The following CACNA2D2 variants were observed in gnomAD, a reference collection of about 807,000 sequenced individuals.
CACNA2D2 encodes the protein calcium voltage-gated channel auxiliary subunit alpha2delta 2.
CACNA2D2 carries 48 observed loss-of-function variants against 166.4 expected under a neutral mutation model. The observed-to-expected ratio is 0.29, with a 90% CI of 0.23 to 0.37. The LOEUF (loss-of-function observed/expected upper bound fraction) is 0.37. Ranked by LOEUF, CACNA2D2 falls within the 10% of genes least tolerant of loss-of-function variation. CACNA2D2 has a pLI of 1.00. For missense variants in CACNA2D2, 1,122 were observed against 1,433.0 expected (o/e 0.78, Z 3.50); for synonymous variants, 561 against 573.7 (o/e 0.98, Z 0.32).
chr3:50,491,055 G>T lies in CACNA2D2; in HGVS notation c.206+12163C>A, dbSNP rs183374427. Among the ~76,000 whole-genome samples the T allele has an allele frequency of 3.3e-3, 498 of 152,238 alleles. 3 individuals are homozygous for T. Among genetic ancestry groups the T allele is most frequent in the African/African-American group, 0.012 (485 of 41,548 alleles). On this transcript the variant is annotated intron_variant, in intron 1 of 37. Coordinates refer to ENST00000424201, the MANE Select transcript of CACNA2D2 (RefSeq NM_006030.4). ...CCATGCTGAGTGCTTGCAGGTGCTT[G>T]TTAAGCCCCCATGGAATGAGATGGC... is the stretch of plus-strand genomic sequence containing the variant.
At chr3:50,458,491 CCAGCCCGGGCTTG>C (rs1709463011) in intron 2 of CACNA2D2, among the ~76,000 whole-genome samples, 1 of 152,190 alleles carries the variant, frequency 6.6e-6, no homozygotes, top group African/African-American at 2.4e-5. Flanking sequence ...TGGTAAGAGA[CCAGCCCGGGCTTG>C]CCTACCCACT....
intron 3 of CACNA2D2, among the ~76,000 whole-genome samples, chr3:50,433,347 G>T (rs374022656): frequency 6.6e-6 from 1 of 151,036 alleles, no homozygotes; most frequent in Admixed American, 6.6e-5. Flanking sequence ...ACTTTATTCC[G>T]TTTTTTTTGT....
intron 2 of CACNA2D2, among the ~76,000 whole-genome samples, chr3:50,457,442 G>C (rs1427299776): frequency 1.3e-5 from 2 of 152,144 alleles, no homozygotes; most frequent in Non-Finnish European, 2.9e-5. Context: ...TGGGCTCTGA[G>C]TTTTTCAAAA....
chr3:50,394,910 G>A (rs901905528), intron 3 of CACNA2D2, among the ~76,000 whole-genome samples: 4 of 152,246 alleles, frequency 2.6e-5, no homozygotes, highest in East Asian at 1.9e-4. Flanking sequence ...GGCAGGAGAG[G>A]TTGAGGGACA....
rs587702936 is a variant in CACNA2D2, at chr3:50,376,280, C to T, written c.1627-92G>A. 3 of 1,310,676 alleles carry T rather than the reference C, an allele frequency of 2.3e-6. No homozygotes were observed. The highest frequency in any genetic ancestry group is 3.2e-6 in the Non-Finnish European group (3 of 934,722). The allele number at this position is 1,310,676 out of a possible 1,614,324, so 81.2% of individuals were successfully genotyped here. ...CTTCCCTATTTGGCCTCCCACCGCA[C>T]CGAGAGATTCTGTTTGCCTGCCTTG... On this transcript the variant is annotated intron_variant, in intron 17 of 37. Coordinates refer to ENST00000424201, the MANE Select transcript of CACNA2D2 (RefSeq NM_006030.4). This position sits in a 1 kb window ranked among gnomAD's most constrained non-coding sequence, Gnocchi z 4.3.
chr3:50,486,015 C>CT lies in CACNA2D2; in HGVS notation c.207-9817dup, dbSNP rs141892091. On this transcript the variant is annotated intron_variant, in intron 1 of 37. Coordinates refer to ENST00000424201, the MANE Select transcript of CACNA2D2 (RefSeq NM_006030.4). ...GGCATTTTGGGGTCTGCGACACCTC[C>CT]TCTCCCCAGCACATTCCCCAGGTAG... Among the ~76,000 whole-genome samples the CT allele has an allele frequency of 2.3e-3, 347 of 152,258 alleles. 1 individual carries two copies. The highest frequency in any genetic ancestry group is 4.1e-3 in the Non-Finnish European group (281 of 68,018).
At chr3:50,502,780 G>A (rs891250479) in intron 1 of CACNA2D2, among the ~76,000 whole-genome samples, 2 of 152,240 alleles carry the variant, frequency 1.3e-5, no homozygotes, top group Non-Finnish European at 2.9e-5. Flanking sequence ...CCTCACCTCT[G>A]GCTGTAAAGC....
At position 50,380,130 on chromosome 3, in the gene CACNA2D2, G is replaced by T; in HGVS notation, c.843-112C>A. Reference sequence around the variant, plus strand: ...TTTCTCTTGAGCATGCACTGTGTGGGCCAGGCAGGGTTCTATGCACCGATG... The same window carrying T: ...TTTCTCTTGAGCATGCACTGTGTGGTCCAGGCAGGGTTCTATGCACCGATG... On this transcript the variant is annotated intron_variant, in intron 8 of 37. Transcript: ENST00000424201. The surrounding 1 kb of genome is among the most constrained non-coding windows in gnomAD (Gnocchi z 4.9). 1.9e-6 allele frequency: 2 copies of T among 1,062,418 alleles called. No individual in the cohort carries two copies. The highest frequency in any genetic ancestry group is 1.4e-6 in the Non-Finnish European group (1 of 699,482). The allele number at this position is 1,062,418 out of a possible 1,614,324, so 65.8% of individuals were successfully genotyped here.
chr3:50,414,580 C>T (rs1035760854), intron 3 of CACNA2D2, among the ~76,000 whole-genome samples: 1 of 152,310 alleles, frequency 6.6e-6, no homozygotes, highest in East Asian at 1.9e-4. Flanking sequence ...GGCTGGGTGT[C>T]TCATCCCAGT....
chr3:50,449,014 G>C (rs967451568), intron 2 of CACNA2D2, among the ~76,000 whole-genome samples: 2 of 152,182 alleles, frequency 1.3e-5, no homozygotes, highest in Non-Finnish European at 2.9e-5. Flanking sequence ...GAAACATCAC[G>C]AAAACGACTG....
rs933886129 is a variant in CACNA2D2 at position 50,489,816 on chromosome 3, C to A, written c.206+13402G>T. 7.9e-5 allele frequency among the ~76,000 whole-genome samples: 12 copies of A among 152,174 alleles called. No homozygotes were observed. The South Asian group carries it at 2.3e-3, about 29-fold the overall frequency. On this transcript the variant is annotated intron_variant, in intron 1 of 37. Transcript: ENST00000424201. The stretch of plus-strand genomic sequence containing the variant: ...CAGGGCCATGGGAATGGCAGGGGAG[C>A]CTGGGGGCCTGGAGCAGGATGTCTC...
At chr3:50,437,648 C>T (rs1708411414) in intron 2 of CACNA2D2, among the ~76,000 whole-genome samples, 1 of 152,214 alleles carries the variant, frequency 6.6e-6, no homozygotes. Context: ...CAGATGGTCC[C>T]ATCCTGGGAG....
intron 2 of CACNA2D2, among the ~76,000 whole-genome samples, chr3:50,470,040 G>T: frequency 6.6e-6 from 1 of 152,162 alleles, no homozygotes; most frequent in East Asian, 1.9e-4. Context: ...CTGTGCCCAT[G>T]GCCTCCACAG....
intron 22 of CACNA2D2, among the ~76,000 whole-genome samples, chr3:50,371,621 T>C (rs2109425717): frequency 6.6e-6 from 1 of 152,072 alleles, no homozygotes; most frequent in East Asian, 1.9e-4. Flanking sequence ...TACCAAATAC[T>C]CCCACAATGC....
chr3:50,428,531 G>A (rs948852362), intron 3 of CACNA2D2, among the ~76,000 whole-genome samples: 1 of 152,196 alleles, frequency 6.6e-6, no homozygotes, highest in East Asian at 1.9e-4. Flanking sequence ...GCAAAAGCAG[G>A]GCGGCTGTGT....
At chr3:50,421,595 A>G (rs1311611661) in intron 3 of CACNA2D2, among the ~76,000 whole-genome samples, 1 of 152,066 alleles carries the variant, frequency 6.6e-6, no homozygotes, top group African/African-American at 2.4e-5. Context: ...CTCCCACCCC[A>G]TGGTGCCCTG....
chr3:50,364,536 A>G lies in CACNA2D2; in HGVS notation c.*130T>C. 7.7e-6 allele frequency: 9 copies of G among 1,176,194 alleles called. No homozygotes were observed. Among genetic ancestry groups the G allele is most frequent in the Non-Finnish European group, 1.0e-5 (9 of 864,630 alleles). The allele number at this position is 1,176,194 out of a possible 1,614,324, so 72.9% of individuals were successfully genotyped here. A position where few individuals can be genotyped will look rare whatever the true frequency, so the allele number is the denominator to read the frequency against. ...ATCCCAAGGCGCAGACCAGACTCTCAGGGCCTGGCCAGCTCAGGTCCTTCA... is the reference window on the plus strand; with the variant it reads ...ATCCCAAGGCGCAGACCAGACTCTCGGGGCCTGGCCAGCTCAGGTCCTTCA... On this transcript the variant is annotated 3_prime_UTR_variant, in exon 38 of 38. Coordinates refer to ENST00000424201, the MANE Select transcript of CACNA2D2 (RefSeq NM_006030.4).
chr3:50,397,720 C>T (rs965648954), intron 3 of CACNA2D2, among the ~76,000 whole-genome samples: 2 of 152,224 alleles, frequency 1.3e-5, no homozygotes, highest in Non-Finnish European at 2.9e-5. Flanking sequence ...GGCTCTTGCC[C>T]AGCTCTGGGC....
At chr3:50,480,224 G>A (rs560290844) in intron 1 of CACNA2D2, among the ~76,000 whole-genome samples, 3 of 152,328 alleles carry the variant, frequency 2.0e-5, no homozygotes, top group Admixed American at 6.5e-5. Context: ...TGTAGCCTTT[G>A]GGAAGCCTCA....
Sources: gnomAD v4.1 joint callset for allele counts (sites outside exome capture counted in the v4.1 genomes callset) on GRCh38, gnomAD v4.1.1 for gene constraint, Gnocchi (gnomAD v3.1) non-coding constraint, MANE v1.5 for transcripts, NCBI Gene and HGNC (gene_info 2026-07-23, HGNC 2026-07-21) for gene names.